ERC2: variants seen among roughly 807,000 people sequenced by gnomAD.
ERC2 encodes the protein ELKS/RAB6-interacting/CAST family member 2.
Under a neutral mutation model 114.8 loss-of-function variants are expected in ERC2, and 42 were observed. That is an observed-to-expected ratio of 0.37 (90% CI 0.29 to 0.47). The LOEUF (loss-of-function observed/expected upper bound fraction) is 0.47. Among genes scored for constraint, ERC2 ranks in the 20% least tolerant of loss-of-function variants. ERC2 has a pLI of 0.99. For missense variants in ERC2, 939 were observed against 1,150.7 expected (o/e 0.82, Z 2.66); for synonymous variants, 454 against 425.5 (o/e 1.07, Z -0.82).
intron 15 of ERC2, among the ~76,000 whole-genome samples, chr3:55,724,705 A>T (rs1230397884): frequency 6.6e-6 from 1 of 152,222 alleles, no homozygotes; most frequent in African/African-American, 2.4e-5. Context: ...GATGAAAAGC[A>T]AGGTCTCTGC....
intron 15 of ERC2, among the ~76,000 whole-genome samples, chr3:55,701,171 C>T (rs1432184412): frequency 6.6e-6 from 1 of 152,152 alleles, no homozygotes; most frequent in East Asian, 1.9e-4. Context: ...TAACATTGTG[C>T]ATTCTTAATA....
At chr3:56,158,808 GT>G (rs11440217) in intron 4 of ERC2, among the ~76,000 whole-genome samples, 5 of 150,068 alleles carry the variant, frequency 3.3e-5, no homozygotes, top group Admixed American at 6.6e-5. Context: ...TAACAAACTT[GT>G]TTTTTTTCAA....
intron 3 of ERC2, among the ~76,000 whole-genome samples, chr3:56,204,442 A>T (rs17553133): frequency 0.035 from 5,336 of 150,748 alleles, 200 homozygotes; most frequent in South Asian, 0.2. Flanking sequence ...GTTCTCCTAA[A>T]GTTTTTAATG....
At chr3:55,635,384 GA>G (rs768833140) in intron 17 of ERC2, among the ~76,000 whole-genome samples, 8 of 151,346 alleles carry the variant, frequency 5.3e-5, no homozygotes, top group Non-Finnish European at 1.0e-4. Flanking sequence ...ATTTTCAGAT[GA>G]TTTTTTTTCT....
chr3:55,790,658 T>C (rs779786451), intron 14 of ERC2, among the ~76,000 whole-genome samples: 1 of 152,206 alleles, frequency 6.6e-6, no homozygotes, highest in Non-Finnish European at 1.5e-5. Context: ...ATTCAAATCC[T>C]TGTCTGAAGG....
chr3:55,859,669 A>C (rs1188773582), intron 14 of ERC2, among the ~76,000 whole-genome samples: 3 of 151,530 alleles, frequency 2.0e-5, no homozygotes, highest in African/African-American at 7.3e-5. Context: ...CCTTTGCCCA[A>C]GACTCTCCTC....
intron 1 of ERC2, among the ~76,000 whole-genome samples, chr3:56,436,970 C>T (rs1430866355): frequency 6.6e-6 from 1 of 152,146 alleles, no homozygotes; most frequent in African/African-American, 2.4e-5. Flanking sequence ...TGTTCCCTGG[C>T]CATTTTAGTT....
At chr3:56,172,314 C>T (rs1279896860) in intron 4 of ERC2, among the ~76,000 whole-genome samples, 1 of 152,074 alleles carries the variant, frequency 6.6e-6, no homozygotes, top group African/African-American at 2.4e-5. Context: ...ATTTGGGGGA[C>T]ACATAGTTTT....
intron 6 of ERC2, among the ~76,000 whole-genome samples, chr3:56,100,674 G>A (rs929111463): frequency 5.3e-5 from 8 of 152,046 alleles, no homozygotes; most frequent in African/African-American, 1.7e-4. Context: ...GCATCCCTAC[G>A]AACATGAAAA....
chr3:55,742,068 A>T (rs1272303029), intron 14 of ERC2, among the ~76,000 whole-genome samples: 2 of 149,366 alleles, frequency 1.3e-5, no homozygotes, highest in Non-Finnish European at 3.0e-5. Context: ...CTAATAAAAC[A>T]CCAAAAAAAA....
chr3:55,739,209 G>T (rs138988005), intron 14 of ERC2, among the ~76,000 whole-genome samples: 2 of 152,100 alleles, frequency 1.3e-5, no homozygotes, highest in African/African-American at 4.8e-5. Context: ...GAATAGTGCC[G>T]CAATAAACAT....
At chr3:55,926,532 G>T (rs1223729155) in intron 13 of ERC2, among the ~76,000 whole-genome samples, 1 of 152,050 alleles carries the variant, frequency 6.6e-6, no homozygotes, top group African/African-American at 2.4e-5. Context: ...TGGTCTTCCA[G>T]TTTCACCTGT....
intron 14 of ERC2, among the ~76,000 whole-genome samples, chr3:55,738,182 G>T (rs2065758291): frequency 6.6e-6 from 1 of 152,254 alleles, no homozygotes; most frequent in Non-Finnish European, 1.5e-5. Flanking sequence ...TAGGATGCCA[G>T]TAGGGAAGAT....
intron 11 of ERC2, among the ~76,000 whole-genome samples, chr3:55,988,178 G>A (rs1308777351): frequency 2.6e-5 from 4 of 152,160 alleles, no homozygotes; most frequent in Non-Finnish European, 5.9e-5. Flanking sequence ...ATATTTCACT[G>A]CCTCTAAGGT....
intron 12 of ERC2, among the ~76,000 whole-genome samples, chr3:55,981,206 A>C (rs1210865134): frequency 6.6e-6 from 1 of 152,342 alleles, no homozygotes; most frequent in African/African-American, 2.4e-5. Flanking sequence ...TTCCATCCCC[A>C]ATAAAATATT....
chr3:56,183,205 T>C (rs2083384316), intron 3 of ERC2, among the ~76,000 whole-genome samples: 1 of 152,206 alleles, frequency 6.6e-6, no homozygotes, highest in African/African-American at 2.4e-5. Context: ...AAAGTTAATA[T>C]ACAGGCTACA....
chr3:56,004,831 G>A (rs1002670322), intron 10 of ERC2, among the ~76,000 whole-genome samples: 3 of 151,840 alleles, frequency 2.0e-5, no homozygotes, highest in Non-Finnish European at 2.9e-5. Flanking sequence ...CACAAGTCAC[G>A]TACCCTTTTA....
chr3:55,837,747 G>A (rs1322072275), intron 14 of ERC2, among the ~76,000 whole-genome samples: 3 of 151,574 alleles, frequency 2.0e-5, no homozygotes, highest in African/African-American at 7.3e-5. Flanking sequence ...ATAACTTAAA[G>A]TGTAATAAAA....
At chr3:56,247,587 T>A (rs1472079472) in intron 3 of ERC2, among the ~76,000 whole-genome samples, 4 of 152,226 alleles carry the variant, frequency 2.6e-5, no homozygotes, top group Non-Finnish European at 5.9e-5. Context: ...TAATTATGCT[T>A]TCATTAGAGA....
Sources: allele counts gnomAD v4.1 joint callset (sites outside exome capture counted in the v4.1 genomes callset), GRCh38; gene constraint gnomAD v4.1.1; transcripts MANE v1.5; gene names NCBI Gene and HGNC (gene_info 2026-07-23, HGNC 2026-07-21).